Variants in SPECC1 observed in about 807,000 individuals in gnomAD.
The protein encoded by SPECC1 is cytospin-B.
In SPECC1, 62 loss-of-function variants were observed where a neutral mutation model predicts 104.1. The ratio of observed to expected loss-of-function variants is 0.60; its 90% CI spans 0.49 to 0.74. The LOEUF (loss-of-function observed/expected upper bound fraction) is 0.74. SPECC1 is among the 30% of genes least tolerant of loss of function. SPECC1 has a pLI of 0.00. For synonymous variants in SPECC1, 513 were observed against 501.6 expected, an observed-to-expected ratio of 1.02 and a Z score of -0.30; for missense variants, 1,306 against 1,310.5, an observed-to-expected ratio of 1.00 and a Z score of 0.05.
chr17:20,077,293 A>G (rs1308869001), intron 1 of SPECC1, among the ~76,000 whole-genome samples: 2 of 152,130 alleles, frequency 1.3e-5, no homozygotes, highest in African/African-American at 2.4e-5. Flanking sequence ...AGTTTTTCCA[A>G]TATCATTTAT....
At chr17:20,021,691 TATATATATA>T (rs2044386902) in intron 1 of SPECC1, among the ~76,000 whole-genome samples, 1 of 122,456 alleles carries the variant, frequency 8.2e-6, no homozygotes, top group African/African-American at 3.3e-5. Flanking sequence ...ATAATATATA[TATATATATA>T]TATTTTTTTG....
chr17:20,238,183 GTTA>G, intron 7 of SPECC1: 1 of 1,035,972 alleles, frequency 9.7e-7, no homozygotes, highest in Admixed American at 5.6e-5. Flanking sequence ...CATAAAGGAT[GTTA>G]TTAAGCCGGA....
chr17:20,211,605 G>T (rs953635187), intron 4 of SPECC1, among the ~76,000 whole-genome samples: 7 of 152,244 alleles, frequency 4.6e-5, no homozygotes, highest in Admixed American at 4.6e-4. Context: ...GATGTGATAG[G>T]CATGTGGCCC....
Position 20,096,767 on chromosome 17 carries a change from C to A in SPECC1, c.116C>A (p.Thr39Asn), listed in dbSNP as rs2047667534. 1.2e-6 allele frequency: 2 copies of A among 1,614,058 alleles called. No homozygotes were observed. Among genetic ancestry groups the A allele is most frequent in the Non-Finnish European group, 8.5e-7 (1 of 1,179,934 alleles). The change falls in exon 2 of 15, where the codon ACT becomes AAT. Residue 39 changes from threonine to asparagine, a missense_variant. Transcript: ENST00000395527. ...GGCATGAAGAGTTCTAAGTCTTCAA[C>A]TTCCTTGGCTTTTGAGTCCCGACTC... ...SSGMKSSKSS[T>N]SLAFESRLSR...
intron 3 of SPECC1, among the ~76,000 whole-genome samples, chr17:20,118,874 C>G (rs933376332): frequency 7.9e-5 from 12 of 152,082 alleles, no homozygotes; most frequent in Admixed American, 7.9e-4. Context: ...TTGTAGTGTT[C>G]TTTAGCCATT....
At chr17:20,129,474 C>T (rs1435964780) in intron 3 of SPECC1, among the ~76,000 whole-genome samples, 1 of 152,162 alleles carries the variant, frequency 6.6e-6, no homozygotes, top group Non-Finnish European at 1.5e-5. Flanking sequence ...AGGTGTGAGC[C>T]ACCGCGCCCA....
chr17:20,032,282 A>ATTGTATAG (rs1400260382), intron 1 of SPECC1, among the ~76,000 whole-genome samples: 1 of 151,948 alleles, frequency 6.6e-6, no homozygotes, highest in African/African-American at 2.4e-5. Flanking sequence ...GAATTCATTG[A>ATTGTATAG]GTTTCTTGAT....
intron 3 of SPECC1, among the ~76,000 whole-genome samples, chr17:20,200,616 C>T (rs2036362856): frequency 1.3e-5 from 2 of 152,318 alleles, no homozygotes; most frequent in South Asian, 4.1e-4. Context: ...CTTCAGAGTG[C>T]TTTGGTTAGC....
At chr17:20,072,321 A>G (rs569411475) in intron 1 of SPECC1, among the ~76,000 whole-genome samples, 3 of 152,274 alleles carry the variant, frequency 2.0e-5, no homozygotes, top group Admixed American at 6.5e-5. Context: ...AAAGCCAACA[A>G]ACTCACCATT....
At chr17:20,287,797 T>C (rs2041009481) in intron 12 of SPECC1, among the ~76,000 whole-genome samples, 1 of 152,224 alleles carries the variant, frequency 6.6e-6, no homozygotes, top group Admixed American at 6.5e-5. Context: ...TTAGTTCTTT[T>C]TTTAAATCAA....
At chr17:20,279,076 GGC>G (rs2040670167) in intron 12 of SPECC1, among the ~76,000 whole-genome samples, 1 of 152,080 alleles carries the variant, frequency 6.6e-6, no homozygotes, top group South Asian at 2.1e-4. Context: ...AGAAAAAGGA[GGC>G]CTTGATTTTT....
chr17:20,084,199 C>A (rs1282691481), intron 1 of SPECC1, among the ~76,000 whole-genome samples: 1 of 152,128 alleles, frequency 6.6e-6, no homozygotes, highest in African/African-American at 2.4e-5. Context: ...GGAGGCGAGG[C>A]GGGCAGATCA....
chr17:20,166,600 G>C (rs1321544197), intron 3 of SPECC1, among the ~76,000 whole-genome samples: 2 of 151,920 alleles, frequency 1.3e-5, no homozygotes, highest in Admixed American at 6.6e-5. Flanking sequence ...AAAAAATAAA[G>C]AATGAAAATT....
intron 3 of SPECC1, among the ~76,000 whole-genome samples, chr17:20,124,872 G>C (rs1448348674): frequency 2.0e-5 from 3 of 152,118 alleles, no homozygotes; most frequent in Admixed American, 2.0e-4. Context: ...AAAAGTAATT[G>C]TGATTTTTGC....
At chr17:20,275,154 A>G (rs545485835) in intron 12 of SPECC1, among the ~76,000 whole-genome samples, 1 of 152,286 alleles carries the variant, frequency 6.6e-6, no homozygotes, top group East Asian at 1.9e-4. Flanking sequence ...AATAACATAA[A>G]TACATTTACT....
chr17:20,081,909 C>T (rs913879368), intron 1 of SPECC1, among the ~76,000 whole-genome samples: 3 of 152,166 alleles, frequency 2.0e-5, no homozygotes, highest in East Asian at 1.9e-4. Context: ...GTTGAGGCCA[C>T]GGTGGCCCCA....
chr17:20,109,274 C>T (rs755805253), intron 2 of SPECC1, among the ~76,000 whole-genome samples: 1 of 152,208 alleles, frequency 6.6e-6, no homozygotes, highest in Non-Finnish European at 1.5e-5. Flanking sequence ...GCGGGGCTCG[C>T]CCACTGCATA....
chr17:20,124,842 A>G (rs2049207203), intron 3 of SPECC1, among the ~76,000 whole-genome samples: 1 of 152,194 alleles, frequency 6.6e-6, no homozygotes, highest in African/African-American at 2.4e-5. Flanking sequence ...TACATAATTT[A>G]TTGTATTAGA....
At chr17:20,170,875 C>T (rs879358801) in intron 3 of SPECC1, among the ~76,000 whole-genome samples, 20 of 151,954 alleles carry the variant, frequency 1.3e-4, no homozygotes, top group Admixed American at 1.3e-3. Flanking sequence ...TGGTACCAAC[C>T]ACCTCCAAAG....
Sources: allele counts gnomAD v4.1 joint callset (sites outside exome capture counted in the v4.1 genomes callset), GRCh38; gene constraint gnomAD v4.1.1; transcripts MANE v1.5; gene names NCBI Gene and HGNC (gene_info 2026-07-23, HGNC 2026-07-21).